Variants in FMN1 observed in about 807,000 individuals in gnomAD.
The protein encoded by FMN1 is formin 1.
Under a neutral mutation model 132.4 loss-of-function variants are expected in FMN1, and 110 were observed. That is an observed-to-expected ratio of 0.83 (90% CI 0.71 to 0.97). The LOEUF (loss-of-function observed/expected upper bound fraction) is 0.97. Ranked by LOEUF, FMN1 falls within the 50% of genes least tolerant of loss-of-function variation. The pLI is 0.00. For missense variants in FMN1, 1,792 were observed against 1,705.3 expected (o/e 1.05, Z -0.90); for synonymous variants, 722 against 651.7 (o/e 1.11, Z -1.64).
chr15:33,114,895 A>C (rs898341334), intron 4 of FMN1, among the ~76,000 whole-genome samples: 1 of 149,676 alleles, frequency 6.7e-6, no homozygotes. Flanking sequence ...GAAAAGATGC[A>C]AGCATCTCTA....
chr15:32,900,313 T>C (rs985465818), intron 13 of FMN1, 188 bp from the exon 14 acceptor site: 1 of 709,534 alleles, frequency 1.4e-6, no homozygotes, highest in Non-Finnish European at 2.6e-6. Flanking sequence ...TTAACAGCCA[T>C]TATTTTCTAC....
At chr15:32,873,393 G>A (rs1194789959) in intron 16 of FMN1, among the ~76,000 whole-genome samples, 4 of 152,266 alleles carry the variant, frequency 2.6e-5, no homozygotes, top group African/African-American at 9.6e-5. Context: ...GGTATTAACG[G>A]GAAGCCTCCA....
At chr15:32,978,453 ACT>A (rs918122627) in intron 7 of FMN1, among the ~76,000 whole-genome samples, 1 of 152,150 alleles carries the variant, frequency 6.6e-6, no homozygotes, top group Middle Eastern at 3.2e-3. Flanking sequence ...TGACTTTCAG[ACT>A]CTATTTTTCC....
chr15:32,963,971 TACAC>T (rs1018193129), intron 9 of FMN1, 132 bp downstream of exon 9: 1 of 466,748 alleles, frequency 2.1e-6, no homozygotes, highest in Non-Finnish European at 3.7e-6. Context: ...ATTCCTATGA[TACAC>T]ACACATATAT....
At chr15:33,001,709 CCCT>C (rs141163075) in intron 7 of FMN1, among the ~76,000 whole-genome samples, 21,093 of 137,472 alleles carry the variant, frequency 0.15, 1,979 homozygotes, top group Non-Finnish European at 0.19. Flanking sequence ...TCCCCCTTCC[CCCT>C]CCTCCTCCTC....
intron 6 of FMN1, among the ~76,000 whole-genome samples, chr15:33,050,011 A>C (rs1169020355): frequency 6.6e-6 from 1 of 152,186 alleles, no homozygotes; most frequent in East Asian, 1.9e-4. Flanking sequence ...TCTATTTTTC[A>C]CTTCTGGTAC....
intron 6 of FMN1, among the ~76,000 whole-genome samples, chr15:33,013,656 T>TA (rs1213675542): frequency 1.3e-5 from 2 of 152,198 alleles, no homozygotes; most frequent in Admixed American, 1.3e-4. Context: ...AATATCAATA[T>TA]AGGCAAAACA....
At position 32,892,841 on chromosome 15, in the gene FMN1, T is replaced by C. The variant is rs973821012; in HGVS notation, c.3715-4549A>G. ...CATCTCTTCTAGGTTTTCTAGTTTA[T>C]GTATCACCATTAATTTTTAAATTGC... is the stretch of plus-strand genomic sequence containing the variant. On this transcript the variant is annotated intron_variant, in intron 15 of 20. Coordinates refer to ENST00000616417, the MANE Select transcript of FMN1 (RefSeq NM_001277313.2). Among the ~76,000 whole-genome samples the C allele has an allele frequency of 5.3e-5, 8 of 152,324 alleles. No individual in the cohort carries two copies. The South Asian group carries it at 1.2e-3, about 24-fold the overall frequency.
intron 14 of FMN1, 120 bp downstream of exon 14, chr15:32,899,859 T>C (rs2060252921): frequency 2.0e-6 from 2 of 977,258 alleles, no homozygotes; most frequent in Non-Finnish European, 3.0e-6. Context: ...TGCTCTAATA[T>C]AAATGTTGTT....
chr15:33,015,093 G>A (rs528911531), intron 6 of FMN1, among the ~76,000 whole-genome samples: 1 of 152,288 alleles, frequency 6.6e-6, no homozygotes, highest in Non-Finnish European at 1.5e-5. Flanking sequence ...CTAGTTAAGT[G>A]CCAATAATAT....
At chr15:33,121,967 C>T (rs1269826904) in intron 4 of FMN1, among the ~76,000 whole-genome samples, 6 of 152,216 alleles carry the variant, frequency 3.9e-5, no homozygotes, top group African/African-American at 1.4e-4. Context: ...TTCATTTATT[C>T]ATTTACCAAA....
At chr15:32,967,534 G>A (rs1009108139) in intron 8 of FMN1, among the ~76,000 whole-genome samples, 1 of 152,154 alleles carries the variant, frequency 6.6e-6, no homozygotes, top group Admixed American at 6.5e-5. Context: ...GGGAATACTA[G>A]TACTTTAGTT....
chr15:33,061,458 A>C (rs1257516057), intron 6 of FMN1, among the ~76,000 whole-genome samples: 3 of 152,040 alleles, frequency 2.0e-5, no homozygotes, highest in African/African-American at 7.2e-5. Flanking sequence ...TATGTAAATA[A>C]ATACCATACA....
intron 8 of FMN1, among the ~76,000 whole-genome samples, chr15:32,968,008 T>C (rs1301985074): frequency 6.6e-6 from 1 of 152,250 alleles, no homozygotes; most frequent in Non-Finnish European, 1.5e-5. Flanking sequence ...TCTGTTTGAA[T>C]GGATGTTTCC....
intron 8 of FMN1, among the ~76,000 whole-genome samples, chr15:32,968,484 C>A (rs2031454378): frequency 6.6e-6 from 1 of 152,128 alleles, no homozygotes; most frequent in African/African-American, 2.4e-5. Context: ...GGAAAAAAAT[C>A]TGACACTGAA....
At chr15:32,804,420 C>A in intron 17 of FMN1, 88 bp from the exon 18 acceptor site, 3 of 145,272 alleles carry the variant, frequency 2.1e-5, no homozygotes, top group South Asian at 1.1e-4. Context: ...CATTCATTAC[C>A]ACAGGAGGTC....
intron 17 of FMN1, among the ~76,000 whole-genome samples, chr15:32,811,825 TG>T (rs939831012): frequency 2.2e-4 from 33 of 152,102 alleles, no homozygotes; most frequent in African/African-American, 8.0e-4. Context: ...CCACCATGCC[TG>T]GCTAATTTTT....
intron 17 of FMN1, among the ~76,000 whole-genome samples, chr15:32,817,969 C>T (rs529155313): frequency 1.1e-4 from 16 of 152,222 alleles, no homozygotes; most frequent in African/African-American, 3.9e-4. Flanking sequence ...TTTATCAAAC[C>T]TTTGTATTTT....
chr15:33,131,944 C>T (rs1012495696), intron 4 of FMN1, among the ~76,000 whole-genome samples: 1 of 152,072 alleles, frequency 6.6e-6, no homozygotes, highest in Non-Finnish European at 1.5e-5. Flanking sequence ...CTGCTTTGAC[C>T]CTCTCTACAA....
Sources: gnomAD v4.1 joint callset for allele counts (sites outside exome capture counted in the v4.1 genomes callset) on GRCh38, gnomAD v4.1.1 for gene constraint, MANE v1.5 for transcripts, NCBI Gene and HGNC (gene_info 2026-07-23, HGNC 2026-07-21) for gene names.